SIM1: variants seen among roughly 807,000 people sequenced by gnomAD.
The protein encoded by SIM1 is SIM bHLH transcription factor 1, also known as single-minded homolog 1.
In SIM1, 18 loss-of-function variants were observed where a neutral mutation model predicts 78.2. The observed-to-expected ratio is 0.23, with a 90% CI of 0.16 to 0.34. SIM1 has a LOEUF of 0.34. SIM1 is among the 10% of genes least tolerant of loss of function. The pLI is 1.00. For synonymous variants in SIM1, 417 were observed against 385.2 expected (o/e 1.08, Z -0.97); for missense variants, 939 against 975.1 (o/e 0.96, Z 0.49).
Position 100,386,893 on chromosome 6 carries a change from G to T in SIM1, c.*3468C>A, listed in dbSNP as rs1020963164. ...GAGCACAATATGACAAAAGACTTGT[G>T]GACCGAAGCACACCTAAATATCTGA... is the stretch of plus-strand genomic sequence containing the variant. On this transcript the variant is annotated 3_prime_UTR_variant, in exon 12 of 12. Transcript: ENST00000369208. The T allele has an allele frequency of 6.6e-6, 1 of 151,944 alleles. No individual in the cohort carries two copies. The highest frequency in any genetic ancestry group is 1.5e-5 in the Non-Finnish European group (1 of 67,914). The allele number at this position is 151,944 out of a possible 1,614,324, so 9.4% of individuals were successfully genotyped here.
chr6:100,458,018 CTCT>C (rs1772723595), intron 2 of SIM1, among the ~76,000 whole-genome samples: 1,216 of 87,604 alleles, frequency 0.014, 62 homozygotes, highest in African/African-American at 0.04. Context: ...CTCTCTCTCT[CTCT>C]CTCTCTCTCT....
chr6:100,443,760 A>C (rs1021942980), intron 9 of SIM1, among the ~76,000 whole-genome samples: 1 of 152,142 alleles, frequency 6.6e-6, no homozygotes, highest in Non-Finnish European at 1.5e-5. Context: ...AAGCACCATG[A>C]TATCTGTGGC....
chr6:100,448,575 G>A lies in SIM1; in HGVS notation c.647C>T (p.Ser216Leu). ...CTCCGTGACGGCGCTGGGAGGCAGC[G>A]AGTGGCCCACGGCCACCAGGCCCAC... is the stretch of plus-strand genomic sequence containing the variant. ...QNVGLVAVGH[S>L]LPPSAVTEIK... Residue 216 changes from serine (S) to leucine (L), a missense_variant, in exon 7 of 12, where the codon TCG becomes TTG. Around this residue, in one of 5 missense-constraint regions of SIM1, gnomAD observed 187 missense variants for 191.6 expected, o/e 0.98. Transcript: ENST00000369208. 1 of 1,614,128 alleles carries A rather than the reference G, an allele frequency of 6.2e-7. No homozygotes were observed. The highest frequency in any genetic ancestry group is 8.5e-7 in the Non-Finnish European group (1 of 1,180,034).
At chr6:100,447,555 G>T in intron 8 of SIM1, 140 bp from the exon 9 acceptor site, 1 of 925,628 alleles carries the variant, frequency 1.1e-6, no homozygotes, top group African/African-American at 1.7e-5. Context: ...AGAGACGACA[G>T]GCAAATTCCC....
chr6:100,458,191 G>A (rs949231662), intron 2 of SIM1, among the ~76,000 whole-genome samples: 6 of 152,150 alleles, frequency 3.9e-5, no homozygotes, highest in African/African-American at 1.4e-4. Context: ...AAGGAGGGCG[G>A]GGTTCGGCCA....
rs373045352 is a variant in SIM1, at chr6:100,448,260, G to A, written c.744-8C>T. 2.5e-6 allele frequency: 4 copies of A among 1,607,422 alleles called. No homozygotes were observed. Among genetic ancestry groups the A allele is most frequent in the Non-Finnish European group, 3.4e-6 (4 of 1,175,944 alleles). ...CCCGTCAGCTCCGCCACCCTGAGGA[G>A]AGCAATCCCTGCAGGATGAATGCAG... On this transcript the variant is annotated splice_polypyrimidine_tract_variant and splice_region_variant and intron_variant, in intron 7 of 11. Transcript: ENST00000369208.
chr6:100,421,038 A>T, intron 9 of SIM1, 80 bp from the exon 10 acceptor site: 1 of 1,436,968 alleles, frequency 7.0e-7, no homozygotes, highest in South Asian at 1.4e-5. Context: ...GAATGATAGT[A>T]ATCCGAATTT....
chr6:100,413,651 G>A (rs1771320725), intron 10 of SIM1, among the ~76,000 whole-genome samples: 1 of 152,032 alleles, frequency 6.6e-6, no homozygotes, highest in African/African-American at 2.4e-5. Flanking sequence ...ATGATGTTAT[G>A]ATAGTAAACA....
chr6:100,420,863 G>A lies in SIM1; in HGVS notation c.1094C>T (p.Thr365Ile), dbSNP rs747740459. The A allele has an allele frequency of 6.2e-7, 1 of 1,614,086 alleles. No individual in the cohort carries two copies. ...SYTSSSTPTM[T>I]DNRKGAKSRL... ...GGATTTGGCCCCCTTTCTGTTGTCA[G>A]TCATGGTGGGGGTGGAGCTGCTGGT... is the stretch of plus-strand genomic sequence containing the variant. Residue 365 changes from threonine to isoleucine, a missense_variant, in exon 10 of 12, where the codon ACT (threonine) becomes ATT (isoleucine). Around this residue, in one of 5 missense-constraint regions of SIM1, gnomAD observed 556 missense variants for 521.9 expected, o/e 1.07. Coordinates refer to ENST00000369208, the MANE Select transcript of SIM1 (RefSeq NM_005068.3).
chr6:100,390,287 A>G lies in SIM1; in HGVS notation c.*74T>C, dbSNP rs1770603249. 3.4e-6 allele frequency: 5 copies of G among 1,475,190 alleles called. No homozygotes were observed. The highest frequency in any genetic ancestry group is 2.8e-6 in the Non-Finnish European group (3 of 1,090,274). The allele number at this position is 1,475,190 out of a possible 1,614,324, so 91.4% of individuals were successfully genotyped here. A position where few individuals can be genotyped will look rare whatever the true frequency, so the allele number is the denominator to read the frequency against. On this transcript the variant is annotated 3_prime_UTR_variant, in exon 12 of 12. Transcript: ENST00000369208. ...CTCTCTAACAATCTGTGGCATAGTA[A>G]ATGCTGGTAATGGGGTATTAAACTA... is the stretch of plus-strand genomic sequence containing the variant.
intron 9 of SIM1, among the ~76,000 whole-genome samples, chr6:100,445,180 T>C (rs1772325142): frequency 6.6e-6 from 1 of 152,178 alleles, no homozygotes; most frequent in South Asian, 2.1e-4. Context: ...AACCTGTTCA[T>C]TATGAAAATC....
At chr6:100,460,008 G>C (rs1772798449) in intron 2 of SIM1, among the ~76,000 whole-genome samples, 1 of 152,194 alleles carries the variant, frequency 6.6e-6, no homozygotes, top group Admixed American at 6.5e-5. Context: ...CTTTGGAATA[G>C]AATATGTCAC....
At chr6:100,397,882 T>C (rs1448231316) in intron 10 of SIM1, among the ~76,000 whole-genome samples, 1 of 152,114 alleles carries the variant, frequency 6.6e-6, no homozygotes, top group Admixed American at 6.6e-5. Flanking sequence ...CTGGGCAGGA[T>C]ATACAGATGG....
In SIM1 at chr6:100,463,649, A is replaced by T. The variant is rs886060899; in HGVS notation, c.-181T>A. 8.9e-6 allele frequency: 5 copies of T among 560,204 alleles called. No individual in the cohort carries two copies. The highest frequency in any genetic ancestry group is 3.1e-6 in the Non-Finnish European group (1 of 320,272). The allele number at this position is 560,204 out of a possible 1,614,324, so 34.7% of individuals were successfully genotyped here. ...GGCAGTAAAAGACCAGCGGGGGTGA[A>T]CGGAAAATATGTTCTTTGAAAATTC... On this transcript the variant is annotated 5_prime_UTR_variant, in exon 2 of 12. Coordinates refer to ENST00000369208, the MANE Select transcript of SIM1 (RefSeq NM_005068.3).
chr6:100,440,400 A>C (rs1772177922), intron 9 of SIM1, among the ~76,000 whole-genome samples: 3 of 152,216 alleles, frequency 2.0e-5, no homozygotes, highest in South Asian at 2.1e-4. Context: ...TTATAAAAAC[A>C]AAATCACAAT....
chr6:100,435,565 C>T (rs762140831), intron 9 of SIM1, among the ~76,000 whole-genome samples: 9 of 152,122 alleles, frequency 5.9e-5, no homozygotes, highest in Admixed American at 1.3e-4. Flanking sequence ...TGTGCCACGC[C>T]TCTTTCAGCT....
chr6:100,419,682 C>T (rs1371498053), intron 10 of SIM1, among the ~76,000 whole-genome samples: 2 of 152,140 alleles, frequency 1.3e-5, no homozygotes, highest in East Asian at 1.9e-4. Flanking sequence ...CTCACTGTCG[C>T]CCAGCCTGGA....
chr6:100,449,454 A>T lies in SIM1; in HGVS notation c.458-6T>A. ...GGAGCGCTCGATCTCATACTCTGGG[A>T]GAGAGGAACGAAGGGAAGCTCAGGT... is the stretch of plus-strand genomic sequence containing the variant. On this transcript the variant is annotated splice_region_variant and splice_polypyrimidine_tract_variant and intron_variant, in intron 5 of 11. Transcript: ENST00000369208. 1 of 1,613,216 alleles carries T rather than the reference A, an allele frequency of 6.2e-7. No individual in the cohort carries two copies. The highest frequency in any genetic ancestry group is 1.1e-5 in the South Asian group (1 of 91,042).
chr6:100,455,121 G>A (rs1301495988), intron 2 of SIM1, among the ~76,000 whole-genome samples: 1 of 152,166 alleles, frequency 6.6e-6, no homozygotes, highest in East Asian at 1.9e-4. Context: ...AAAGGTGTTG[G>A]CTAGGAGCTG....
Sources: gnomAD v4.1 joint callset for allele counts (sites outside exome capture counted in the v4.1 genomes callset) on GRCh38, gnomAD v4.1.1 for gene constraint, gnomAD v4.1.1 regional missense constraint, MANE v1.5 for transcripts, NCBI Gene and HGNC (gene_info 2026-07-23, HGNC 2026-07-21) for gene names.